The following TTC3 variants were observed in gnomAD, a reference collection of about 807,000 sequenced individuals.
TTC3 encodes tetratricopeptide repeat domain 3, also known as E3 ubiquitin-protein ligase TTC3.
A neutral mutation model predicts 249.6 loss-of-function variants in TTC3; 180 were observed. That is an observed-to-expected ratio of 0.72 (90% CI 0.64 to 0.82). The LOEUF is 0.82. TTC3 is among the 40% of genes least tolerant of loss of function. The probability of loss-of-function intolerance (pLI) is 0.00; values close to 1 mark genes in which losing one functional copy is unlikely to be tolerated. For synonymous variants in TTC3, 717 were observed against 805.0 expected, an observed-to-expected ratio of 0.89 and a Z score of 1.85; for missense variants, 2,061 against 2,398.4, an observed-to-expected ratio of 0.86 and a Z score of 2.94.
chr21:37,152,178 C>G (rs1376325802), intron 26 of TTC3, 149 bp downstream of exon 26: 3 of 991,630 alleles, frequency 3.0e-6, no homozygotes, highest in East Asian at 5.6e-5. Context: ...TTCTGTTACT[C>G]GAAGACAGAA....
intron 35 of TTC3, among the ~76,000 whole-genome samples, chr21:37,181,123 G>T (rs1239032912): frequency 1.3e-5 from 2 of 152,180 alleles, no homozygotes; most frequent in African/African-American, 4.8e-5. Context: ...GCATTGTGAG[G>T]CAGCTATGGC....
At chr21:37,108,392 A>T in exon 11 of TTC3, 1 of 1,608,046 alleles carries the variant, frequency 6.2e-7, no homozygotes. Context: ...TTCCTTTTAG[A>T]AATGCACTCG....
In TTC3 at chr21:37,187,034, C is replaced by CT. The variant is rs764423489; in HGVS notation, c.4827-13dup. 1 of 1,504,566 alleles carries CT rather than the reference C, an allele frequency of 6.6e-7. No homozygotes were observed. The highest frequency in any genetic ancestry group is 1.3e-5 in the South Asian group (1 of 75,288). The allele number at this position is 1,504,566 out of a possible 1,614,324, so 93.2% of individuals were successfully genotyped here. A position where few individuals can be genotyped will look rare whatever the true frequency, so the allele number is the denominator to read the frequency against. On this transcript the variant is annotated splice_polypyrimidine_tract_variant and intron_variant, in intron 37 of 45. Transcript: ENST00000355666. ...TTTGTTCAAGAAAGTTTTTTTTTTCCTTCAATATTTGTAGCAACACACTTA... is the reference window on the plus strand; with the variant it reads ...TTTGTTCAAGAAAGTTTTTTTTTTCCTTTCAATATTTGTAGCAACACACTTA...
At chr21:37,161,420 C>T (rs1321555542) in intron 30 of TTC3, among the ~76,000 whole-genome samples, 3 of 152,174 alleles carry the variant, frequency 2.0e-5, no homozygotes, top group Non-Finnish European at 2.9e-5. Context: ...GAATGACAGG[C>T]GCATGCCACC....
exon 46 of TTC3, chr21:37,201,883 A>C (rs1401041174): frequency 3.3e-6 from 1 of 299,692 alleles, no homozygotes; most frequent in Non-Finnish European, 6.2e-6. Context: ...GCAGTATTCT[A>C]GTGATAAGAA....
At chr21:37,121,017 C>G (rs1474472991) in intron 11 of TTC3, among the ~76,000 whole-genome samples, 1 of 152,128 alleles carries the variant, frequency 6.6e-6, no homozygotes, top group Non-Finnish European at 1.5e-5. Flanking sequence ...GCCAGTAGTA[C>G]TGTGCCTAAA....
intron 20 of TTC3, among the ~76,000 whole-genome samples, chr21:37,142,372 C>A (rs193074337): frequency 6.6e-6 from 1 of 152,202 alleles, no homozygotes; most frequent in Non-Finnish European, 1.5e-5. Context: ...AGCCCAAAAT[C>A]TTCTTAAGCT....
intron 35 of TTC3, among the ~76,000 whole-genome samples, chr21:37,174,950 C>T (rs1166765301): frequency 6.6e-6 from 1 of 152,064 alleles, no homozygotes; most frequent in African/African-American, 2.4e-5. Context: ...TTTTTACAAA[C>T]CACTTTAAGA....
chr21:37,171,158 C>A (rs1226005520), intron 34 of TTC3, among the ~76,000 whole-genome samples: 1 of 152,158 alleles, frequency 6.6e-6, no homozygotes, highest in East Asian at 1.9e-4. Flanking sequence ...GGCCTGTTTA[C>A]TGTTGTTGAA....
At chr21:37,122,419 A>AATATATATATATATATTATAT (rs2076665133) in intron 12 of TTC3, among the ~76,000 whole-genome samples, 1 of 38,030 alleles carries the variant, frequency 2.6e-5, no homozygotes, top group African/African-American at 7.0e-5. Flanking sequence ...ATATATATAT[A>AATATATATATATATATTATAT]ATATATATAT....
At chr21:37,127,510 A>G (rs574072231) in intron 15 of TTC3, among the ~76,000 whole-genome samples, 19 of 152,342 alleles carry the variant, frequency 1.2e-4, no homozygotes, top group African/African-American at 4.3e-4. Context: ...AAAATCCTCT[A>G]AAGTATATTA....
chr21:37,191,387 T>G (rs940598138), exon 40 of TTC3: 1 of 1,589,214 alleles, frequency 6.3e-7, no homozygotes, highest in African/African-American at 1.4e-5. Flanking sequence ...TGGGAATTGT[T>G]TCTTTCTAAT....
intron 35 of TTC3, among the ~76,000 whole-genome samples, chr21:37,179,819 C>T (rs1449976143): frequency 1.3e-5 from 2 of 152,078 alleles, no homozygotes; most frequent in African/African-American, 4.8e-5. Flanking sequence ...TTAAAATTAT[C>T]TTTGGTTGAC....
intron 20 of TTC3, among the ~76,000 whole-genome samples, chr21:37,143,676 T>C (rs1415915516): frequency 6.6e-6 from 1 of 151,066 alleles, no homozygotes; most frequent in Non-Finnish European, 1.5e-5. Flanking sequence ...ATTGTGGAAG[T>C]CAGTGTGGCG....
At chr21:37,098,018 C>T (rs878884144) in intron 10 of TTC3, 9 of 690,974 alleles carry the variant, frequency 1.3e-5, no homozygotes, top group South Asian at 6.4e-5. Flanking sequence ...GCTGTATTAA[C>T]GTTATGCAGC....
intron 35 of TTC3, among the ~76,000 whole-genome samples, chr21:37,175,666 A>G (rs1464011524): frequency 1.3e-5 from 2 of 151,404 alleles, no homozygotes; most frequent in Non-Finnish European, 2.9e-5. Flanking sequence ...GCGAGGTATT[A>G]TATATAGCTG....
chr21:37,154,513 ATGCT>A (rs558272067), intron 27 of TTC3, among the ~76,000 whole-genome samples: 6 of 152,322 alleles, frequency 3.9e-5, no homozygotes, highest in Non-Finnish European at 8.8e-5. Flanking sequence ...TATAAAGTTA[ATGCT>A]TGCTTTAACA....
At chr21:37,099,250 A>G (rs889580728) in intron 10 of TTC3, among the ~76,000 whole-genome samples, 3 of 152,260 alleles carry the variant, frequency 2.0e-5, no homozygotes, top group African/African-American at 2.4e-5. Context: ...AAAAATAATA[A>G]TACTGTATCT....
chr21:37,092,915 TATA>T (rs1019891036), intron 7 of TTC3, among the ~76,000 whole-genome samples: 1 of 152,196 alleles, frequency 6.6e-6, no homozygotes, highest in South Asian at 2.1e-4. Flanking sequence ...ATTAAATTTT[TATA>T]ATAATAGTGT....
Sources: allele counts gnomAD v4.1 joint callset (sites outside exome capture counted in the v4.1 genomes callset), GRCh38; gene constraint gnomAD v4.1.1; transcripts MANE v1.5; gene names NCBI Gene and HGNC (gene_info 2026-07-23, HGNC 2026-07-21).